DNAAF11: variants seen among roughly 807,000 people sequenced by gnomAD.
The protein encoded by DNAAF11 is leucine rich repeat containing 6.
In DNAAF11, 45 loss-of-function variants were observed where a neutral mutation model predicts 60.8. The observed-to-expected ratio is 0.74, with a 90% CI of 0.58 to 0.95. The LOEUF is 0.95. Ranked by LOEUF, DNAAF11 falls within the 40% of genes least tolerant of loss-of-function variation. DNAAF11 has a pLI of 0.00. For missense variants in DNAAF11, 546 were observed against 546.2 expected, an observed-to-expected ratio of 1.00 and a Z score of 0.00; for synonymous variants, 191 against 183.5, an observed-to-expected ratio of 1.04 and a Z score of -0.33.
In DNAAF11 at chr8:132,657,343, G is replaced by A. The variant is rs546262170; in HGVS notation, c.179-436C>T. On this transcript the variant is annotated intron_variant, in intron 2 of 11. Transcript: ENST00000620350. The stretch of plus-strand genomic sequence containing the variant: ...AAGGATCTATATTCCATGCTTGGAG[G>A]GTTCTTATCTCTTTTTCCTGCTGGA... Among the ~76,000 whole-genome samples, 5 of 152,258 alleles carry A rather than the reference G, an allele frequency of 3.3e-5. No individual in the cohort carries two copies. The East Asian group carries it at 7.7e-4, about 23-fold the overall frequency.
intron 10 of DNAAF11, among the ~76,000 whole-genome samples, chr8:132,605,531 T>A (rs1255781860): frequency 6.6e-6 from 1 of 152,186 alleles, no homozygotes; most frequent in African/African-American, 2.4e-5. Flanking sequence ...ACCTACTCTT[T>A]GCCAGGATCT....
intron 10 of DNAAF11, among the ~76,000 whole-genome samples, chr8:132,602,062 G>A (rs908742600): frequency 6.6e-6 from 1 of 151,316 alleles, no homozygotes; most frequent in East Asian, 1.9e-4. Context: ...GCTTCATTCT[G>A]GATCTCATCT....
At chr8:132,611,387 C>A in intron 8 of DNAAF11, 24 bp from the exon 9 acceptor site, 4 of 1,404,182 alleles carry the variant, frequency 2.8e-6, no homozygotes, top group Non-Finnish European at 3.0e-6. Context: ...CACAGAAAAT[C>A]TTATAATTTT....
intron 10 of DNAAF11, among the ~76,000 whole-genome samples, chr8:132,593,322 TATATACATAC>T (rs1461354821): frequency 8.4e-6 from 1 of 118,436 alleles, no homozygotes; most frequent in African/African-American, 3.7e-5. Flanking sequence ...CTTCAAAGAA[TATATACATAC>T]ATATATATAT....
In DNAAF11 at chr8:132,576,446, C is replaced by A. The variant is rs1162285455; in HGVS notation, c.1227-3966G>T. 4.6e-5 allele frequency among the ~76,000 whole-genome samples: 7 copies of A among 152,210 alleles called. No homozygotes were observed. The East Asian group carries it at 1.4e-3, about 29-fold the overall frequency. On this transcript the variant is annotated intron_variant, in intron 11 of 11. Coordinates refer to ENST00000620350, the MANE Select transcript of DNAAF11 (RefSeq NM_012472.6). ...TTAGCAAAAAGAGATGTTATATAAT[C>A]ATTATTGTACTTAAAGAAGCTATAT...
intron 10 of DNAAF11, among the ~76,000 whole-genome samples, chr8:132,600,584 C>G (rs1405688655): frequency 6.6e-6 from 1 of 152,114 alleles, no homozygotes; most frequent in Non-Finnish European, 1.5e-5. Flanking sequence ...AGATATAGAC[C>G]AATGGAACAC....
intron 1 of DNAAF11, among the ~76,000 whole-genome samples, chr8:132,663,864 G>T (rs761571796): frequency 6.6e-6 from 1 of 152,168 alleles, no homozygotes; most frequent in African/African-American, 2.4e-5. Flanking sequence ...ATGTCCAAGG[G>T]TCAGCTGTTT....
At chr8:132,668,798 C>T (rs1031229827) in intron 1 of DNAAF11, among the ~76,000 whole-genome samples, 1 of 152,114 alleles carries the variant, frequency 6.6e-6, no homozygotes, top group Non-Finnish European at 1.5e-5. Flanking sequence ...GGAAAGGGCA[C>T]CTTAGGCCAT....
intron 1 of DNAAF11, among the ~76,000 whole-genome samples, chr8:132,665,275 T>C (rs1586737548): frequency 6.6e-6 from 1 of 151,716 alleles, no homozygotes; most frequent in African/African-American, 2.4e-5. Flanking sequence ...ATCTTCATGG[T>C]GCATGGAGAT....
upstream of DNAAF11, among the ~76,000 whole-genome samples, chr8:132,680,091 G>A (rs965896976): frequency 6.6e-6 from 1 of 152,218 alleles, no homozygotes; most frequent in African/African-American, 2.4e-5. Context: ...GACCCAGGGG[G>A]TATGAAGGAC....
the DNAAF11 span, among the ~76,000 whole-genome samples, chr8:132,697,479 G>A: frequency 6.6e-6 from 1 of 152,104 alleles, no homozygotes; most frequent in Non-Finnish European, 1.5e-5. Context: ...TTAGCTGGGT[G>A]TGGTGGCATG....
rs1245329248 is a variant in DNAAF11 at position 132,570,715 on chromosome 8, G to A, written c.*1591C>T. Among the ~76,000 whole-genome samples, 2 of 152,192 alleles carry A rather than the reference G, an allele frequency of 1.3e-5. No individual in the cohort carries two copies. Among genetic ancestry groups the A allele is most frequent in the Admixed American group, 6.5e-5 (1 of 15,282 alleles). ...ATGCAGAGGGACCCAGCCTGCTGCA[G>A]CTGATCCTTGATCTCCACCACTGTG... On this transcript the variant is annotated 3_prime_UTR_variant, in exon 12 of 12. Coordinates refer to ENST00000620350, the MANE Select transcript of DNAAF11 (RefSeq NM_012472.6).
rs1290942898 is a variant in DNAAF11, at chr8:132,654,504, G to A, written c.256+2326C>T. 2.6e-5 allele frequency among the ~76,000 whole-genome samples: 4 copies of A among 151,900 alleles called. No homozygotes were observed. In the East Asian group the frequency reaches 5.8e-4, roughly 22 times the overall value. On this transcript the variant is annotated intron_variant, in intron 3 of 11. Transcript: ENST00000620350. Reference sequence around the variant, plus strand: ...CCAAATGTACATGGAACAGCCTCTAGGACAGAACAAATGTTGGGCCATAAA... The same window carrying A: ...CCAAATGTACATGGAACAGCCTCTAAGACAGAACAAATGTTGGGCCATAAA...
At chr8:132,623,027 G>A (rs112689691) in intron 6 of DNAAF11, among the ~76,000 whole-genome samples, 433 of 152,236 alleles carry the variant, frequency 2.8e-3, no homozygotes, top group African/African-American at 9.8e-3. Flanking sequence ...GATTTACCCA[G>A]ATAACTGTCA....
At chr8:132,623,339 A>G (rs908506010) in intron 6 of DNAAF11, among the ~76,000 whole-genome samples, 5 of 152,144 alleles carry the variant, frequency 3.3e-5, no homozygotes, top group Non-Finnish European at 5.9e-5. Context: ...GTGAGAAAAA[A>G]TATATAAAAT....
chr8:132,681,915 T>G, the DNAAF11 span, among the ~76,000 whole-genome samples: 3 of 152,180 alleles, frequency 2.0e-5, no homozygotes, highest in Non-Finnish European at 4.4e-5. Flanking sequence ...TTACCCTCAT[T>G]GTTTTTCAGT....
intron 3 of DNAAF11, among the ~76,000 whole-genome samples, chr8:132,640,819 T>C (rs1026107571): frequency 2.0e-5 from 3 of 151,986 alleles, no homozygotes; most frequent in Admixed American, 2.0e-4. Context: ...AAAGAATAGA[T>C]AAAAGTAGGA....
Position 132,670,999 on chromosome 8 carries a change from C to G in DNAAF11, c.10+4485G>C, listed in dbSNP as rs554330603. Among the ~76,000 whole-genome samples, 64 of 152,114 alleles carry G rather than the reference C, an allele frequency of 4.2e-4. No homozygotes were observed. The South Asian group carries it at 0.013, about 31-fold the overall frequency. ...AAAACACCTATAATCAACATTATAT[C>G]GAGCAGAGAAAGACTCTTCCCGTAA... is the stretch of plus-strand genomic sequence containing the variant. On this transcript the variant is annotated intron_variant, in intron 1 of 11. Coordinates refer to ENST00000620350, the MANE Select transcript of DNAAF11 (RefSeq NM_012472.6).
chr8:132,599,832 A>G, intron 10 of DNAAF11, among the ~76,000 whole-genome samples: 1 of 152,190 alleles, frequency 6.6e-6, no homozygotes, highest in East Asian at 1.9e-4. Flanking sequence ...TGAATGGGCA[A>G]AAACTGGAAG....
Sources: allele counts gnomAD v4.1 joint callset (sites outside exome capture counted in the v4.1 genomes callset), GRCh38; gene constraint gnomAD v4.1.1; transcripts MANE v1.5; gene names NCBI Gene and HGNC (gene_info 2026-07-23, HGNC 2026-07-21).